Variants in KIF26B observed in about 807,000 individuals in gnomAD.
KIF26B encodes the protein kinesin family member 26B, also known as kinesin-like protein KIF26B.
In KIF26B, 63 loss-of-function variants were observed where a neutral mutation model predicts 151.2. The observed-to-expected ratio is 0.42, with a 90% CI of 0.34 to 0.51. KIF26B has a LOEUF of 0.51. Ranked by LOEUF, KIF26B falls within the 20% of genes least tolerant of loss-of-function variation. The pLI, the probability that KIF26B is intolerant of heterozygous loss-of-function variation, is 0.07. For synonymous variants in KIF26B, 1,357 were observed against 1,262.1 expected (o/e 1.08, Z -1.59); for missense variants, 2,813 against 2,913.6 (o/e 0.97, Z 0.79).
chr1:245,429,011 A>G (rs1470344548), intron 4 of KIF26B, among the ~76,000 whole-genome samples: 2 of 151,894 alleles, frequency 1.3e-5, no homozygotes, highest in Non-Finnish European at 1.5e-5. Context: ...GTTAGGAGAG[A>G]AGGATATTGA....
intron 4 of KIF26B, among the ~76,000 whole-genome samples, chr1:245,429,017 A>G (rs541407382): frequency 1.1e-4 from 17 of 152,160 alleles, no homozygotes; most frequent in African/African-American, 3.6e-4. Context: ...AGAGAAGGAT[A>G]TTGAATAAGC....
At chr1:245,581,290 C>T (rs1277757326) in intron 5 of KIF26B, among the ~76,000 whole-genome samples, 1 of 152,210 alleles carries the variant, frequency 6.6e-6, no homozygotes, top group Non-Finnish European at 1.5e-5. Flanking sequence ...TCTCTATGCC[C>T]AGTTTTTTCC....
chr1:245,206,804 T>G (rs1669415017), intron 2 of KIF26B: 1 of 152,222 alleles, frequency 6.6e-6, no homozygotes, highest in Non-Finnish European at 1.5e-5. Flanking sequence ...CTAAAAAAAT[T>G]AAATATCTTA....
intron 2 of KIF26B, among the ~76,000 whole-genome samples, chr1:245,212,231 T>C (rs894594045): frequency 1.3e-5 from 2 of 152,126 alleles, no homozygotes; most frequent in African/African-American, 4.8e-5. Context: ...GAGAGAAGTG[T>C]CTTTATTGCT....
rs1233710358 is a variant in KIF26B, at chr1:245,170,134, TGGC to T, written c.465+13454_465+13456del. Among the ~76,000 whole-genome samples, 1 of 151,980 alleles carries T rather than the reference TGGC, an allele frequency of 6.6e-6. No homozygotes were observed. The highest frequency in any genetic ancestry group is 2.4e-5 in the African/African-American group (1 of 41,372). On this transcript the variant is annotated intron_variant, in intron 2 of 14. Coordinates refer to ENST00000407071, the MANE Select transcript of KIF26B (RefSeq NM_018012.4). The surrounding 1 kb of genome is among the most constrained non-coding windows in gnomAD (Gnocchi z 4.4). ...TAGAGGATGGGACGGTGGTGACAAA[TGGC>T]GGGATGGGAGATGATGCCTGGGTGA...
At chr1:245,192,023 G>T (rs1453029548) in intron 2 of KIF26B, among the ~76,000 whole-genome samples, 1 of 152,062 alleles carries the variant, frequency 6.6e-6, no homozygotes, top group African/African-American at 2.4e-5. Context: ...CCTTGACCTG[G>T]TAGTTCTATT....
At chr1:245,168,636 C>G (rs1357836577) in intron 2 of KIF26B, among the ~76,000 whole-genome samples, 1 of 152,180 alleles carries the variant, frequency 6.6e-6, no homozygotes, top group Non-Finnish European at 1.5e-5. Flanking sequence ...CACCAGAACT[C>G]TATAAACATT....
At chr1:245,311,811 T>A (rs958367493) in intron 2 of KIF26B, among the ~76,000 whole-genome samples, 9 of 151,774 alleles carry the variant, frequency 5.9e-5, no homozygotes, top group Admixed American at 3.9e-4. Context: ...GCGCCTGTAA[T>A]CTCAGCTACT....
intron 2 of KIF26B, among the ~76,000 whole-genome samples, chr1:245,362,460 C>A (rs886595550): frequency 6.6e-5 from 10 of 151,456 alleles, no homozygotes; most frequent in African/African-American, 9.7e-5. Context: ...ATCACTTGAA[C>A]CAGGGAGGCG....
chr1:245,252,276 CAA>C (rs5782329), intron 2 of KIF26B, among the ~76,000 whole-genome samples: 248 of 113,722 alleles, frequency 2.2e-3, no homozygotes, highest in Middle Eastern at 9.1e-3. Context: ...GACCTTGTCT[CAA>C]AAAAAAAAAA....
intron 9 of KIF26B, among the ~76,000 whole-genome samples, chr1:245,617,713 G>A (rs1233698600): frequency 6.6e-6 from 1 of 152,134 alleles, no homozygotes; most frequent in Admixed American, 6.5e-5. Context: ...TTGGCCAGGA[G>A]ACACTATTCT....
chr1:245,382,344 A>G (rs184551036), intron 3 of KIF26B, among the ~76,000 whole-genome samples: 27 of 152,134 alleles, frequency 1.8e-4, no homozygotes, highest in Admixed American at 8.5e-4. Context: ...TCTCTTGGCC[A>G]TTGGTAAGCT....
chr1:245,321,575 G>A (rs909083350), intron 2 of KIF26B, among the ~76,000 whole-genome samples: 2 of 152,210 alleles, frequency 1.3e-5, no homozygotes, highest in African/African-American at 2.4e-5. Flanking sequence ...ATGCTAGGCT[G>A]TTTTGTAAAT....
intron 2 of KIF26B, among the ~76,000 whole-genome samples, chr1:245,235,857 T>C (rs1278699437): frequency 4.6e-5 from 7 of 152,040 alleles, no homozygotes; most frequent in Admixed American, 4.6e-4. Context: ...TTTGAGTAGT[T>C]AGAATAAACA....
intron 5 of KIF26B, among the ~76,000 whole-genome samples, chr1:245,568,041 C>T (rs1255489980): frequency 2.6e-5 from 4 of 151,690 alleles, no homozygotes; most frequent in Admixed American, 6.6e-5. Context: ...AAAAAATAGC[C>T]GGGGTTAATC....
chr1:245,427,531 C>T (rs1411177681), intron 4 of KIF26B, among the ~76,000 whole-genome samples: 1 of 152,142 alleles, frequency 6.6e-6, no homozygotes, highest in Admixed American at 6.5e-5. Flanking sequence ...TCACTTGAAC[C>T]CGGGAGGTGG....
intron 3 of KIF26B, chr1:245,370,534 A>T: frequency 6.6e-6 from 3 of 451,586 alleles, no homozygotes; most frequent in Non-Finnish European, 1.3e-5. Flanking sequence ...TGTGTGAGCC[A>T]CATACTTGTG....
rs150950714 is a variant in KIF26B, at chr1:245,185,282, G to A, written c.465+28599G>A. ...GCCTCCCGGGTAGCTGGGATTACAG[G>A]CACCCGCCACCACACCTGGCTAGTT... On this transcript the variant is annotated intron_variant, in intron 2 of 14. Coordinates refer to ENST00000407071, the MANE Select transcript of KIF26B (RefSeq NM_018012.4). 2.2e-3 allele frequency among the ~76,000 whole-genome samples: 341 copies of A among 152,054 alleles called. 2 individuals carry two copies. Among genetic ancestry groups the A allele is most frequent in the African/African-American group, 7.5e-3 (310 of 41,450 alleles).
chr1:245,705,061 G>T lies in KIF26B; in HGVS notation c.*2455G>T, dbSNP rs2000101. 45,771 of 152,036 alleles carry T rather than the reference G, an allele frequency of 0.3. 7,305 individuals are homozygous for T. The highest frequency in any genetic ancestry group is 0.47 in the South Asian group (2,252 of 4,810). The allele number at this position is 152,036 out of a possible 1,614,324, so 9.4% of individuals were successfully genotyped here. On this transcript the variant is annotated 3_prime_UTR_variant, in exon 15 of 15. Transcript: ENST00000407071. ...ACTGAAACCGATGGAATCCTTCCGAGGGGAGTGGCATTCGGCTTGCCTCCT... is the reference window on the plus strand; with the variant it reads ...ACTGAAACCGATGGAATCCTTCCGATGGGAGTGGCATTCGGCTTGCCTCCT...
Sources: gnomAD v4.1 joint callset for allele counts (sites outside exome capture counted in the v4.1 genomes callset) on GRCh38, gnomAD v4.1.1 for gene constraint, Gnocchi (gnomAD v3.1) non-coding constraint, MANE v1.5 for transcripts, NCBI Gene and HGNC (gene_info 2026-07-23, HGNC 2026-07-21) for gene names.